WDR27: variants seen among roughly 807,000 people sequenced by gnomAD.
WDR27 encodes WD repeat-containing protein 27.
A neutral mutation model predicts 114.4 loss-of-function variants in WDR27; 100 were observed. That is an observed-to-expected ratio of 0.87 (90% CI 0.74 to 1.03). The LOEUF is 1.03. Ranked by LOEUF, WDR27 falls within the 50% of genes least tolerant of loss-of-function variation. WDR27 has a pLI of 0.00. For synonymous variants in WDR27, 449 were observed against 423.1 expected (o/e 1.06, Z -0.75); for missense variants, 1,129 against 1,092.9 (o/e 1.03, Z -0.47).
chr6:169,514,385 T>C lies in WDR27; in HGVS notation c.2646-56751A>G, dbSNP rs117692370. On this transcript the variant is annotated intron_variant, in intron 25 of 25. Coordinates refer to ENST00000448612, the MANE Select transcript of WDR27 (RefSeq NM_182552.5). Reference sequence around the variant, plus strand: ...CTTATAATTTGCAAAATTATAGTGTTTTCTTATCAAATGTAGAAATTTTAT... The same window carrying C: ...CTTATAATTTGCAAAATTATAGTGTCTTCTTATCAAATGTAGAAATTTTAT... Among the ~76,000 whole-genome samples, 688 of 150,372 alleles carry C rather than the reference T, an allele frequency of 4.6e-3. 2 individuals carry two copies. Among genetic ancestry groups the C allele is most frequent in the Non-Finnish European group, 6.5e-3 (437 of 67,584 alleles).
Position 169,638,517 on chromosome 6 carries a change from G to A in WDR27, c.1869+22C>T, listed in dbSNP as rs747539465. On this transcript the variant is annotated intron_variant, in intron 18 of 25. Transcript: ENST00000448612. ...AGCTCCTTTGGAAATGACTGCCCATGGCAGAGATGACTGTCCATTACCAGA... is the reference window on the plus strand; with the variant it reads ...AGCTCCTTTGGAAATGACTGCCCATAGCAGAGATGACTGTCCATTACCAGA... 1.9e-6 allele frequency: 3 copies of A among 1,609,164 alleles called. No homozygotes were observed. The South Asian group carries it at 3.3e-5, about 18-fold the overall frequency.
intron 25 of WDR27, among the ~76,000 whole-genome samples, chr6:169,482,238 G>A (rs762863711): frequency 6.6e-6 from 1 of 152,136 alleles, no homozygotes; most frequent in Admixed American, 6.5e-5. Context: ...TTGCTATTGT[G>A]AGTAGTGCTG....
At chr6:169,672,511 TTACA>T (rs2128298327) in intron 2 of WDR27, 115 bp from the exon 3 acceptor site, 1 of 1,071,744 alleles carries the variant, frequency 9.3e-7, no homozygotes, top group East Asian at 2.6e-5. Flanking sequence ...TACATTTATC[TTACA>T]TATTCATTGT....
chr6:169,519,007 G>A (rs1794025983), intron 25 of WDR27, among the ~76,000 whole-genome samples: 1 of 152,190 alleles, frequency 6.6e-6, no homozygotes, highest in African/African-American at 2.4e-5. Flanking sequence ...GGCACAAACA[G>A]AATGCAGCCA....
At chr6:169,670,935 C>A in intron 3 of WDR27, 1 of 474,000 alleles carries the variant, frequency 2.1e-6, no homozygotes, top group South Asian at 3.0e-5. Context: ...CACGAAGATG[C>A]CTTTCTCTGG....
downstream of WDR27, among the ~76,000 whole-genome samples, chr6:169,454,257 T>C (rs1784265529): frequency 6.6e-6 from 1 of 152,140 alleles, no homozygotes; most frequent in Admixed American, 6.5e-5. Flanking sequence ...TGCATGTTGG[T>C]CATTGGGTAT....
intron 21 of WDR27, among the ~76,000 whole-genome samples, chr6:169,618,924 T>TCTTTCC (rs1193262010): frequency 6.6e-6 from 1 of 152,226 alleles, no homozygotes; most frequent in African/African-American, 2.4e-5. Context: ...AACCTTACAC[T>TCTTTCC]CTTTCCCTTT....
chr6:169,570,339 G>A (rs116979001), intron 25 of WDR27, among the ~76,000 whole-genome samples: 1 of 152,294 alleles, frequency 6.6e-6, no homozygotes, highest in Non-Finnish European at 1.5e-5. Flanking sequence ...TAGACCAGGT[G>A]GGACCCAGAG....
intron 25 of WDR27, among the ~76,000 whole-genome samples, chr6:169,519,019 C>A (rs1279494714): frequency 1.3e-5 from 2 of 152,230 alleles, no homozygotes; most frequent in Admixed American, 1.3e-4. Context: ...ATGCAGCCAA[C>A]TTCTTTGCTA....
chr6:169,462,313 T>C lies in WDR27; in HGVS notation c.2646-4679A>G, dbSNP rs570947407. On this transcript the variant is annotated intron_variant, in intron 25 of 25. Transcript: ENST00000448612. ...TTAGCCAGGTGTAGTGGCACGTGCCTGTAATCCCAGCTACTCGAGAGGCTG... is the reference window on the plus strand; with the variant it reads ...TTAGCCAGGTGTAGTGGCACGTGCCCGTAATCCCAGCTACTCGAGAGGCTG... Among the ~76,000 whole-genome samples the C allele has an allele frequency of 1.1e-3, 169 of 152,140 alleles. No homozygotes were observed. The Middle Eastern group carries it at 0.02, about 18-fold the overall frequency.
Position 169,672,391 on chromosome 6 carries a change from T to A in WDR27, c.195A>T (p.Leu65=). ...WNTKDPSHQL[L]ILRGHHQPIT... Reference sequence around the variant, plus strand: ...TTGGCTGATGGTGTCCTCGTAGGATTAGAAGCTGGGAAAATTAACAAAAAT... The same window carrying A: ...TTGGCTGATGGTGTCCTCGTAGGATAAGAAGCTGGGAAAATTAACAAAAAT... Residue 65 remains leucine (L), a synonymous_variant, in exon 3 of 26, where the codon CTA becomes CTT. Coordinates refer to ENST00000448612, the MANE Select transcript of WDR27 (RefSeq NM_182552.5). The A allele has an allele frequency of 6.3e-7, 1 of 1,593,982 alleles. No individual in the cohort carries two copies. The highest frequency in any genetic ancestry group is 8.5e-7 in the Non-Finnish European group (1 of 1,170,730).
At chr6:169,648,621 T>C (rs1821423670) in intron 15 of WDR27, among the ~76,000 whole-genome samples, 1 of 152,264 alleles carries the variant, frequency 6.6e-6, no homozygotes, top group Admixed American at 6.5e-5. Context: ...GATTGCAAAG[T>C]AGACCCATGT....
intron 23 of WDR27, among the ~76,000 whole-genome samples, chr6:169,583,828 A>G (rs983499570): frequency 6.6e-6 from 1 of 152,138 alleles, no homozygotes; most frequent in Non-Finnish European, 1.5e-5. Context: ...TATGGGATCC[A>G]TGCCTACAGA....
chr6:169,655,003 T>A (rs985001554), intron 13 of WDR27, among the ~76,000 whole-genome samples: 2 of 152,118 alleles, frequency 1.3e-5, no homozygotes, highest in African/African-American at 4.8e-5. Flanking sequence ...CTTACTCGGG[T>A]TTTCCCGGGA....
intron 3 of WDR27, 129 bp downstream of exon 3, chr6:169,672,126 A>G: frequency 1.0e-6 from 1 of 963,676 alleles, no homozygotes; most frequent in Non-Finnish European, 1.5e-6. Context: ...GAGAGTACAA[A>G]ATTATCCCAA....
chr6:169,432,460 C>A, the WDR27 span, among the ~76,000 whole-genome samples: 613 of 152,216 alleles, frequency 4.0e-3, no homozygotes, highest in African/African-American at 0.014. Flanking sequence ...GTAGGTGGGA[C>A]CTAGTGGGAG....
Position 169,659,659 on chromosome 6 carries a change from T to A in WDR27, c.1130-141A>T, listed in dbSNP as rs78864023. 54,417 of 745,592 alleles carry A rather than the reference T, an allele frequency of 0.073. 2,276 individuals carry two copies. Among genetic ancestry groups the A allele is most frequent in the East Asian group, 0.11 (4,029 of 37,020 alleles). 46.2% of individuals were successfully genotyped at this position (745,592 alleles called of 1,614,324 possible). A position where few individuals can be genotyped will look rare whatever the true frequency, so the allele number is the denominator to read the frequency against. On this transcript the variant is annotated intron_variant, in intron 10 of 25. Transcript: ENST00000448612. This position sits in a 1 kb window ranked among gnomAD's most constrained non-coding sequence, Gnocchi z 4.3. ...GCCCCACCACACACTTTGCAGGCTG[T>A]GCACCACATCCTCACACATACAAGG...
At chr6:169,569,712 A>G (rs1015967198) in intron 25 of WDR27, among the ~76,000 whole-genome samples, 7 of 152,246 alleles carry the variant, frequency 4.6e-5, no homozygotes, top group Non-Finnish European at 8.8e-5. Context: ...ACATCCTTAA[A>G]GCATTGCAAA....
intron 22 of WDR27, among the ~76,000 whole-genome samples, chr6:169,607,423 CATAT>C (rs1230595874): frequency 1.4e-5 from 2 of 145,252 alleles, no homozygotes; most frequent in East Asian, 4.3e-4. Flanking sequence ...CACACACACA[CATAT>C]AATATAATAT....
Sources: gnomAD v4.1 joint callset for allele counts (sites outside exome capture counted in the v4.1 genomes callset) on GRCh38, gnomAD v4.1.1 for gene constraint, Gnocchi (gnomAD v3.1) non-coding constraint, MANE v1.5 for transcripts, NCBI Gene and HGNC (gene_info 2026-07-23, HGNC 2026-07-21) for gene names.